ESR1: variants seen among roughly 807,000 people sequenced by gnomAD.
ESR1 encodes estrogen receptor 1, also known as estrogen receptor.
A neutral mutation model predicts 52.7 loss-of-function variants in ESR1; 12 were observed. The observed-to-expected ratio is 0.23, with a 90% CI of 0.15 to 0.37. The LOEUF is 0.37. ESR1 is among the 10% of genes least tolerant of loss of function. The pLI, the probability that ESR1 is intolerant of heterozygous loss-of-function variation, is 1.00. For missense variants in ESR1, 584 were observed against 779.7 expected (o/e 0.75, Z 2.99); for synonymous variants, 305 against 316.8 (o/e 0.96, Z 0.39).
At chr6:152,054,103 T>C (rs1249683003) in intron 5 of ESR1, among the ~76,000 whole-genome samples, 2 of 152,130 alleles carry the variant, frequency 1.3e-5, no homozygotes, top group East Asian at 1.9e-4. Flanking sequence ...CAAATTGATA[T>C]ATTTAGCGCT....
At chr6:151,700,563 A>G (rs1374405746) in intron 1 of ESR1, among the ~76,000 whole-genome samples, 1 of 151,864 alleles carries the variant, frequency 6.6e-6, no homozygotes, top group Non-Finnish European at 1.5e-5. Flanking sequence ...CTTTGAGCAG[A>G]TGTTTCCCAG....
chr6:152,019,992 T>G (rs2043493345), intron 5 of ESR1, among the ~76,000 whole-genome samples: 1 of 152,154 alleles, frequency 6.6e-6, no homozygotes, highest in Non-Finnish European at 1.5e-5. Context: ...CTCAAGGAGT[T>G]TACTATTGAG....
chr6:151,997,714 G>A (rs1373183763), intron 4 of ESR1, among the ~76,000 whole-genome samples: 1 of 152,104 alleles, frequency 6.6e-6, no homozygotes, highest in African/African-American at 2.4e-5. Context: ...TTTTAACAGG[G>A]AAAAAGTTAT....
chr6:152,074,383 G>T (rs1188431228), intron 6 of ESR1, among the ~76,000 whole-genome samples: 1 of 152,116 alleles, frequency 6.6e-6, no homozygotes, highest in African/African-American at 2.4e-5. Context: ...TCAGTGATAT[G>T]CATTTAAGGT....
At chr6:151,990,947 AAAG>A (rs1366797367) in intron 4 of ESR1, among the ~76,000 whole-genome samples, 1 of 152,178 alleles carries the variant, frequency 6.6e-6, no homozygotes, top group Non-Finnish European at 1.5e-5. Context: ...CCTACACTAA[AAAG>A]AAAAATGACA....
chr6:151,780,467 A>T (rs1786446237), intron 2 of ESR1, among the ~76,000 whole-genome samples: 1 of 152,190 alleles, frequency 6.6e-6, no homozygotes, highest in South Asian at 2.1e-4. Flanking sequence ...AATTGACAGC[A>T]CAAAAGAATT....
At chr6:151,942,295 C>CA (rs967687755) in intron 3 of ESR1, among the ~76,000 whole-genome samples, 1 of 152,136 alleles carries the variant, frequency 6.6e-6, no homozygotes, top group Non-Finnish European at 1.5e-5. Context: ...GGATTAAATT[C>CA]AAAATCTCTG....
intron 3 of ESR1, among the ~76,000 whole-genome samples, chr6:151,909,238 T>G (rs2128429037): frequency 6.6e-6 from 1 of 152,346 alleles, no homozygotes; most frequent in South Asian, 2.1e-4. Flanking sequence ...AACCCTGTTC[T>G]TTGGCACAGC....
At chr6:152,115,057 T>C (rs2051194421) in intron 6 of ESR1, among the ~76,000 whole-genome samples, 1 of 152,116 alleles carries the variant, frequency 6.6e-6, no homozygotes, top group African/African-American at 2.4e-5. Context: ...TTAAAGTGCT[T>C]TCCCCACTCT....
intron 4 of ESR1, among the ~76,000 whole-genome samples, chr6:151,947,367 A>G (rs1263905948): frequency 6.6e-6 from 1 of 152,186 alleles, no homozygotes; most frequent in Non-Finnish European, 1.5e-5. Context: ...TAAGAAGAAT[A>G]GCAAAATTTC....
intron 6 of ESR1, among the ~76,000 whole-genome samples, chr6:152,070,460 C>T (rs950580367): frequency 2.9e-5 from 4 of 138,166 alleles, no homozygotes; most frequent in Non-Finnish European, 6.0e-5. Context: ...TTTTCTTTCC[C>T]TGTAAGACAT....
intron 1 of ESR1, 103 bp downstream of exon 1, chr6:151,808,467 G>C: frequency 9.0e-7 from 1 of 1,107,258 alleles, no homozygotes. Flanking sequence ...GGGAGCCGCG[G>C]GACGCGCGAC....
At chr6:151,796,133 G>A (rs913305374) in intron 2 of ESR1, among the ~76,000 whole-genome samples, 2 of 149,930 alleles carry the variant, frequency 1.3e-5, no homozygotes, top group Admixed American at 1.3e-4. Flanking sequence ...GCCACTGCAC[G>A]CCAGCCTGGG....
intron 1 of ESR1, among the ~76,000 whole-genome samples, chr6:151,696,845 G>A (rs1582922530): frequency 1.3e-5 from 2 of 152,186 alleles, no homozygotes; most frequent in Admixed American, 1.3e-4. Flanking sequence ...TTTCTGGGTT[G>A]GTGCAGGATG....
intron 1 of ESR1, among the ~76,000 whole-genome samples, chr6:151,841,838 A>G (rs986283050): frequency 1.3e-5 from 2 of 152,032 alleles, no homozygotes; most frequent in Non-Finnish European, 1.5e-5. Context: ...TCAGCCTTAC[A>G]AGTAGCTAGG....
chr6:152,045,164 G>A (rs1260060600), intron 5 of ESR1, among the ~76,000 whole-genome samples: 1 of 152,144 alleles, frequency 6.6e-6, no homozygotes, highest in Non-Finnish European at 1.5e-5. Flanking sequence ...AAGCAGAAGG[G>A]ACAATTACTG....
intron 3 of ESR1, 40 bp from the exon 4 acceptor site, chr6:151,944,132 GA>G (rs763835601): frequency 3.9e-5 from 61 of 1,558,906 alleles, no homozygotes; most frequent in Middle Eastern, 3.4e-4. Flanking sequence ...GTTTACACGG[GA>G]AAAAAATAAA....
chr6:151,736,417 A>G (rs575054461), intron 2 of ESR1, among the ~76,000 whole-genome samples: 1 of 126,410 alleles, frequency 7.9e-6, no homozygotes, highest in East Asian at 2.1e-4. Context: ...CTGTAGCCCA[A>G]GCTGTAGTGT....
rs1384709821 is a variant in ESR1 at position 152,122,279 on chromosome 6, A to G, written c.851-2987A>G. 20 of 1,142,640 alleles carry G rather than the reference A, an allele frequency of 1.8e-5. No homozygotes were observed. The East Asian group carries it at 4.8e-4, about 27-fold the overall frequency. 70.8% of individuals were successfully genotyped at this position (1,142,640 alleles called of 1,614,324 possible). Reference sequence around the variant, plus strand: ...CGTCACTGTTTATCTTCCACCTCTGAAGCCATAATTTGCACACATGTGATC... The same window carrying G: ...CGTCACTGTTTATCTTCCACCTCTGGAGCCATAATTTGCACACATGTGATC... On this transcript the variant is annotated intron_variant, in intron 6 of 6. Transcript: ENST00000427531.
Sources: gnomAD v4.1 joint callset for allele counts (sites outside exome capture counted in the v4.1 genomes callset) on GRCh38, gnomAD v4.1.1 for gene constraint, MANE v1.5 for transcripts, NCBI Gene and HGNC (gene_info 2026-07-23, HGNC 2026-07-21) for gene names.